Variants in MAGI1 observed in about 807,000 individuals in gnomAD.
MAGI1 encodes the protein membrane associated guanylate kinase, WW and PDZ domain containing 1, also known as membrane-associated guanylate kinase, WW and PDZ domain-containing protein 1.
MAGI1 carries 58 observed loss-of-function variants against 139.9 expected under a neutral mutation model. That is an observed-to-expected ratio of 0.41 (90% CI 0.34 to 0.52). The LOEUF (loss-of-function observed/expected upper bound fraction) is 0.52, where lower values mean the gene tolerates loss of function less well. MAGI1 is among the 20% of genes least tolerant of loss of function. MAGI1 has a pLI of 0.12. For synonymous variants in MAGI1, 812 were observed against 737.9 expected, an observed-to-expected ratio of 1.10 and a Z score of -1.63; for missense variants, 1,874 against 1,901.6, an observed-to-expected ratio of 0.99 and a Z score of 0.27.
chr3:65,830,416 G>C (rs753419258), intron 1 of MAGI1, among the ~76,000 whole-genome samples: 22 of 151,916 alleles, frequency 1.4e-4, no homozygotes, highest in Non-Finnish European at 2.6e-4. Context: ...GCATAATTTA[G>C]TTTATCACCA....
At chr3:65,514,091 A>G (rs1426908023) in intron 2 of MAGI1, among the ~76,000 whole-genome samples, 1 of 148,108 alleles carries the variant, frequency 6.8e-6, no homozygotes, top group Non-Finnish European at 1.5e-5. Context: ...GTGCTGGGAA[A>G]ATTGGCTAGC....
intron 1 of MAGI1, among the ~76,000 whole-genome samples, chr3:65,891,935 T>C (rs1290311272): frequency 2.8e-4 from 28 of 98,954 alleles, no homozygotes; most frequent in Admixed American, 1.1e-4. Context: ...TATATATATA[T>C]ATATATACCC....
Position 65,533,264 on chromosome 3 carries a change from T to C in MAGI1, c.431-39633A>G, listed in dbSNP as rs2078801804. On this transcript the variant is annotated intron_variant, in intron 2 of 22. Transcript: ENST00000402939. ...CGGAGCACTTATTGGGTGGAGACAC[T>C]GTGGTAGACACTGGAGAGATAAAGA... is the stretch of plus-strand genomic sequence containing the variant. Among the ~76,000 whole-genome samples the C allele has an allele frequency of 2.0e-5, 3 of 152,300 alleles. No individual in the cohort carries two copies. In the South Asian group the frequency reaches 6.2e-4, roughly 32 times the overall value.
chr3:65,737,502 A>C (rs2034870596), intron 1 of MAGI1, among the ~76,000 whole-genome samples: 1 of 152,236 alleles, frequency 6.6e-6, no homozygotes, highest in Admixed American at 6.5e-5. Flanking sequence ...CAATGTGCTA[A>C]ATACTGGGGA....
In MAGI1 at chr3:65,369,701, G is replaced by A. The variant is rs370487665; in HGVS notation, c.3197-4755C>T. Among the ~76,000 whole-genome samples the A allele has an allele frequency of 2.6e-4, 40 of 152,132 alleles. 1 individual carries two copies. The South Asian group carries it at 7.1e-3, about 27-fold the overall frequency. On this transcript the variant is annotated intron_variant, in intron 18 of 22. Transcript: ENST00000402939. ...TTTTTTGTATTTTAGTAGAGACAGC[G>A]TTTCGCCATGTTGCCTGGGCTGGTC...
At chr3:65,653,317 T>G (rs1310338704) in intron 1 of MAGI1, among the ~76,000 whole-genome samples, 1 of 152,134 alleles carries the variant, frequency 6.6e-6, no homozygotes, top group Non-Finnish European at 1.5e-5. Context: ...TCCTAATCAG[T>G]CGCTTACCTT....
chr3:65,579,081 G>A (rs751933704), intron 2 of MAGI1, among the ~76,000 whole-genome samples: 1 of 152,100 alleles, frequency 6.6e-6, no homozygotes, highest in South Asian at 2.1e-4. Flanking sequence ...GCAGAAAGAA[G>A]ATTGGATAAT....
intron 1 of MAGI1, among the ~76,000 whole-genome samples, chr3:65,726,229 A>T (rs1193752439): frequency 1.3e-5 from 2 of 152,064 alleles, no homozygotes; most frequent in African/African-American, 4.8e-5. Flanking sequence ...CTGGAGAATA[A>T]GATAATTCAA....
At chr3:65,525,903 G>T (rs1244533159) in intron 2 of MAGI1, among the ~76,000 whole-genome samples, 1 of 152,134 alleles carries the variant, frequency 6.6e-6, no homozygotes, top group Non-Finnish European at 1.5e-5. Context: ...GGCACACATT[G>T]TCCCCTGTTT....
At chr3:65,804,273 TAA>T (rs10600844) in intron 1 of MAGI1, among the ~76,000 whole-genome samples, 36,945 of 126,270 alleles carry the variant, frequency 0.29, 4,766 homozygotes, top group East Asian at 0.44. Flanking sequence ...GATGGCTTAG[TAA>T]AAAAAAAAAA....
intron 1 of MAGI1, among the ~76,000 whole-genome samples, chr3:65,845,811 A>G (rs1469354840): frequency 6.6e-6 from 1 of 152,178 alleles, no homozygotes; most frequent in Non-Finnish European, 1.5e-5. Context: ...GAAGTTTCAC[A>G]GTCTTTTACG....
intron 1 of MAGI1, among the ~76,000 whole-genome samples, chr3:65,843,228 G>A (rs1273854608): frequency 2.0e-5 from 3 of 152,106 alleles, no homozygotes; most frequent in Admixed American, 6.5e-5. Flanking sequence ...TTTCCTAGAA[G>A]GATCCACATG....
intron 3 of MAGI1, among the ~76,000 whole-genome samples, 153 bp downstream of exon 3, chr3:65,493,359 C>A (rs528589538): frequency 5.9e-5 from 9 of 152,196 alleles, no homozygotes; most frequent in Non-Finnish European, 1.3e-4. Flanking sequence ...ATTCCATAGA[C>A]TTTGTCTATT....
chr3:65,744,808 T>C (rs904297149), intron 1 of MAGI1, among the ~76,000 whole-genome samples: 2 of 152,142 alleles, frequency 1.3e-5, no homozygotes, highest in Admixed American at 6.5e-5. Context: ...CATTAACATA[T>C]ATAAAACGAA....
At chr3:65,767,686 G>A (rs1232706705) in intron 1 of MAGI1, among the ~76,000 whole-genome samples, 1 of 152,128 alleles carries the variant, frequency 6.6e-6, no homozygotes, top group Non-Finnish European at 1.5e-5. Flanking sequence ...CAACAGAACA[G>A]ACCAAACCAA....
chr3:65,382,361 C>G lies in MAGI1; in HGVS notation c.2509-292G>C, dbSNP rs563112738. ...TTACTTTTCTCCCTTCATTATATAC[C>G]CTATTCTTCTTTGGTAGCTACCTAA... On this transcript the variant is annotated intron_variant, in intron 15 of 22. Transcript: ENST00000402939. Among the ~76,000 whole-genome samples, 136 of 152,142 alleles carry G rather than the reference C, an allele frequency of 8.9e-4. 1 individual carries two copies. The highest frequency in any genetic ancestry group is 3.2e-3 in the African/African-American group (134 of 41,488).
At chr3:65,990,430 C>G (rs966265762) in intron 1 of MAGI1, among the ~76,000 whole-genome samples, 4 of 152,200 alleles carry the variant, frequency 2.6e-5, no homozygotes, top group African/African-American at 4.8e-5. Context: ...GAATGACCCT[C>G]TGGTAAGGGA....
At chr3:65,610,865 T>C (rs2083039110) in intron 2 of MAGI1, among the ~76,000 whole-genome samples, 1 of 139,660 alleles carries the variant, frequency 7.2e-6, no homozygotes, top group Non-Finnish European at 1.5e-5. Context: ...ACATATACAC[T>C]ATATAGTAGA....
intron 2 of MAGI1, among the ~76,000 whole-genome samples, chr3:65,567,965 G>A (rs564390702): frequency 1.1e-4 from 17 of 152,268 alleles, no homozygotes; most frequent in African/African-American, 3.6e-4. Flanking sequence ...AAATCTCTTT[G>A]GTAGTTAAAT....
Sources: allele counts gnomAD v4.1 joint callset (sites outside exome capture counted in the v4.1 genomes callset), GRCh38; gene constraint gnomAD v4.1.1; transcripts MANE v1.5; gene names NCBI Gene and HGNC (gene_info 2026-07-23, HGNC 2026-07-21).